Variants in SOX5 observed in about 807,000 individuals in gnomAD.
The protein encoded by SOX5 is transcription factor SOX-5.
SOX5 carries 9 observed loss-of-function variants against 92.0 expected under a neutral mutation model. The ratio of observed to expected loss-of-function variants is 0.10; its 90% CI spans 0.06 to 0.17. The LOEUF (loss-of-function observed/expected upper bound fraction) is 0.17. SOX5 is among the 10% of genes least tolerant of loss of function. SOX5 has a pLI of 1.00. For missense variants in SOX5, 642 were observed against 944.5 expected (o/e 0.68, Z 4.20); for synonymous variants, 344 against 336.3 (o/e 1.02, Z -0.25).
At chr12:23,774,175 G>T (rs943490871) in intron 3 of SOX5, among the ~76,000 whole-genome samples, 4 of 152,154 alleles carry the variant, frequency 2.6e-5, no homozygotes, top group African/African-American at 9.7e-5. Context: ...ACCTTTTACT[G>T]CCGTTATAAA....
intron 1 of SOX5, among the ~76,000 whole-genome samples, chr12:23,931,795 G>A (rs893289801): frequency 1.3e-5 from 2 of 151,596 alleles, no homozygotes; most frequent in African/African-American, 4.8e-5. Context: ...AAATGTTGTA[G>A]TTCTAAGTAT....
intron 3 of SOX5, among the ~76,000 whole-genome samples, chr12:24,250,492 G>C (rs966149374): frequency 2.6e-5 from 4 of 152,214 alleles, no homozygotes; most frequent in African/African-American, 9.6e-5. Flanking sequence ...CACTGCAGTT[G>C]TCCTTGGAAC....
At chr12:24,372,849 G>A (rs1164654536) in intron 1 of SOX5, among the ~76,000 whole-genome samples, 1 of 151,770 alleles carries the variant, frequency 6.6e-6, no homozygotes, top group Admixed American at 6.6e-5. Flanking sequence ...TGGGTGCAGT[G>A]GCTCACGTCT....
chr12:23,869,291 G>A (rs1015418825), intron 2 of SOX5, among the ~76,000 whole-genome samples: 2 of 152,098 alleles, frequency 1.3e-5, no homozygotes, highest in African/African-American at 4.8e-5. Flanking sequence ...ATGTAGTGCA[G>A]GTTATATGCT....
chr12:24,335,144 A>C (rs1951747093), intron 2 of SOX5, among the ~76,000 whole-genome samples: 1 of 152,140 alleles, frequency 6.6e-6, no homozygotes, highest in African/African-American at 2.4e-5. Flanking sequence ...AACCACAATG[A>C]ACTCCTTAGC....
intron 8 of SOX5, among the ~76,000 whole-genome samples, chr12:23,631,322 A>T (rs2078505202): frequency 6.6e-6 from 1 of 152,110 alleles, no homozygotes; most frequent in East Asian, 1.9e-4. Flanking sequence ...AAATAAACTA[A>T]ACCAACAATT....
At chr12:24,429,874 C>T (rs1331813601) in intron 1 of SOX5, among the ~76,000 whole-genome samples, 2 of 152,084 alleles carry the variant, frequency 1.3e-5, no homozygotes, top group Non-Finnish European at 2.9e-5. Context: ...TGTTCATACC[C>T]TATATGACCA....
intron 4 of SOX5, among the ~76,000 whole-genome samples, chr12:23,990,539 TTC>T (rs1453599601): frequency 1.3e-5 from 2 of 151,210 alleles, no homozygotes; most frequent in African/African-American, 4.8e-5. Context: ...CTGCATCGCA[TTC>T]TCTGTGAAAC....
intron 3 of SOX5, among the ~76,000 whole-genome samples, chr12:24,236,389 TAG>T (rs954594850): frequency 7.2e-5 from 11 of 152,302 alleles, no homozygotes; most frequent in African/African-American, 2.2e-4. Flanking sequence ...CTTAATGATA[TAG>T]AGTTACCACC....
At position 23,735,936 on chromosome 12, in the gene SOX5, G is replaced by A. The variant is rs186190833; in HGVS notation, c.742-1184C>T. 1.3e-3 allele frequency among the ~76,000 whole-genome samples: 197 copies of A among 152,166 alleles called. 3 individuals carry two copies. The highest frequency in any genetic ancestry group is 0.013 in the Admixed American group (193 of 15,274). On this transcript the variant is annotated intron_variant, in intron 5 of 14. Transcript: ENST00000451604. ...GGGAGAAGTCCATAAATTCAGTGAG[G>A]GTGGAGGCCATGTATATTTTACTCA... is the stretch of plus-strand genomic sequence containing the variant.
At chr12:24,310,902 T>C (rs1170632802) in intron 2 of SOX5, among the ~76,000 whole-genome samples, 2 of 152,110 alleles carry the variant, frequency 1.3e-5, no homozygotes, top group African/African-American at 4.8e-5. Flanking sequence ...TATTTTAAAA[T>C]GATTCTGAGA....
In SOX5 at chr12:23,734,204, C is replaced by T. The variant is rs142016877; in HGVS notation, c.810+480G>A. ...CCCACAGCCTTCAGGCTTGTTTTCT[C>T]CAGGCAAAACCACAGGTAAATCGAC... is the stretch of plus-strand genomic sequence containing the variant. On this transcript the variant is annotated intron_variant, in intron 6 of 14. Transcript: ENST00000451604. Among the ~76,000 whole-genome samples, 200 of 152,278 alleles carry T rather than the reference C, an allele frequency of 1.3e-3. 2 individuals are homozygous for T. Among genetic ancestry groups the T allele is most frequent in the African/African-American group, 4.5e-3 (188 of 41,548 alleles).
intron 2 of SOX5, among the ~76,000 whole-genome samples, chr12:24,322,211 A>G (rs1049097215): frequency 6.6e-6 from 1 of 152,278 alleles, no homozygotes; most frequent in Middle Eastern, 3.4e-3. Flanking sequence ...AAAAATCAAG[A>G]TAGTAACATG....
At chr12:24,546,493 C>G (rs1952635909) in intron 1 of SOX5, among the ~76,000 whole-genome samples, 2 of 152,174 alleles carry the variant, frequency 1.3e-5, no homozygotes, top group African/African-American at 4.8e-5. Flanking sequence ...GTACTCTACG[C>G]TCTACCTATA....
chr12:23,918,724 G>C (rs1245416740), intron 1 of SOX5, among the ~76,000 whole-genome samples: 3 of 151,886 alleles, frequency 2.0e-5, no homozygotes, highest in African/African-American at 7.3e-5. Flanking sequence ...TCAGGAGATT[G>C]TGGCCAACGT....
At chr12:24,428,801 A>C (rs1030242972) in intron 1 of SOX5, among the ~76,000 whole-genome samples, 2 of 150,174 alleles carry the variant, frequency 1.3e-5, no homozygotes, top group African/African-American at 4.9e-5. Flanking sequence ...AAGTTCAGAA[A>C]CCATCATTCT....
At chr12:24,085,124 G>C (rs16927155) in intron 4 of SOX5, among the ~76,000 whole-genome samples, 5,525 of 152,070 alleles carry the variant, frequency 0.036, 374 homozygotes, top group African/African-American at 0.13. Flanking sequence ...TATCCTACTG[G>C]ATTCCTCTGT....
At chr12:23,811,728 T>A (rs1594694178) in intron 3 of SOX5, among the ~76,000 whole-genome samples, 1 of 152,110 alleles carries the variant, frequency 6.6e-6, no homozygotes, top group Non-Finnish European at 1.5e-5. Flanking sequence ...TGTTGATGAA[T>A]GGTGAGAAAT....
intron 2 of SOX5, among the ~76,000 whole-genome samples, chr12:24,333,135 A>G (rs1191894741): frequency 6.6e-6 from 1 of 152,112 alleles, no homozygotes; most frequent in African/African-American, 2.4e-5. Flanking sequence ...TTCCCCCAGT[A>G]AAGTTTCTAA....
Sources: gnomAD v4.1 joint callset for allele counts (sites outside exome capture counted in the v4.1 genomes callset) on GRCh38, gnomAD v4.1.1 for gene constraint, MANE v1.5 for transcripts, NCBI Gene and HGNC (gene_info 2026-07-23, HGNC 2026-07-21) for gene names.